CLYBL: variants seen among roughly 807,000 people sequenced by gnomAD.
CLYBL encodes citramalyl-CoA lyase, mitochondrial.
CLYBL carries 31 observed loss-of-function variants against 38.9 expected under a neutral mutation model. The ratio of observed to expected loss-of-function variants is 0.80; its 90% CI spans 0.60 to 1.08. The LOEUF is 1.08. Among genes scored for constraint, CLYBL ranks in the 50% least tolerant of loss-of-function variants. The pLI is 0.00. For missense variants in CLYBL, 434 were observed against 411.6 expected (o/e 1.05, Z -0.47); for synonymous variants, 171 against 158.6 (o/e 1.08, Z -0.59).
At chr13:99,671,205 C>T (rs867239245) in intron 1 of CLYBL, among the ~76,000 whole-genome samples, 31 of 152,202 alleles carry the variant, frequency 2.0e-4, no homozygotes, top group African/African-American at 7.2e-4. Flanking sequence ...GACTCTTATC[C>T]TCAACCCCCT....
intron 1 of CLYBL, among the ~76,000 whole-genome samples, chr13:99,768,864 T>C (rs1189642325): frequency 3.9e-5 from 6 of 152,124 alleles, no homozygotes; most frequent in Admixed American, 3.9e-4. Flanking sequence ...ATTTCTATTT[T>C]CCCCTATATA....
At chr13:99,643,681 G>C (rs1180884585) in intron 1 of CLYBL, among the ~76,000 whole-genome samples, 1 of 152,152 alleles carries the variant, frequency 6.6e-6, no homozygotes, top group Non-Finnish European at 1.5e-5. Flanking sequence ...CATCTGGGAA[G>C]TTAATTTATT....
At chr13:99,612,549 G>A (rs1054601128) in intron 1 of CLYBL, among the ~76,000 whole-genome samples, 1 of 151,762 alleles carries the variant, frequency 6.6e-6, no homozygotes, top group African/African-American at 2.4e-5. Flanking sequence ...CACCATGTCT[G>A]GCTAATTTTT....
intron 1 of CLYBL, among the ~76,000 whole-genome samples, chr13:99,744,389 C>T (rs1253081717): frequency 6.6e-6 from 1 of 152,194 alleles, no homozygotes; most frequent in Non-Finnish European, 1.5e-5. Flanking sequence ...GGGAAAAGTT[C>T]TGAGATATCC....
chr13:99,866,291 T>C lies in CLYBL; in HGVS notation c.686T>C (p.Ile229Thr). Reference protein sequence around the residue: ...TLDILYARQKIVVIAKAFGLQ... With the variant: ...TLDILYARQKTVVIAKAFGLQ... ...GATATTCTCTACGCCCGGCAAAAGA[T>C]TGTTGTCATAGCGAAAGCCTTTGGT... The change falls in exon 6 of 9, where the codon ATT becomes ACT. Residue 229 changes from isoleucine (I) to threonine (T), a missense_variant. Ile to Thr is a moderately conservative substitution (Grantham distance 89, BLOSUM62 -1). Transcript: ENST00000339105. 1.2e-6 allele frequency: 2 copies of C among 1,614,068 alleles called. No individual in the cohort carries two copies. The highest frequency in any genetic ancestry group is 1.7e-6 in the Non-Finnish European group (2 of 1,180,014).
intron 1 of CLYBL, among the ~76,000 whole-genome samples, chr13:99,694,327 AC>A (rs1360077952): frequency 1.3e-5 from 2 of 152,240 alleles, no homozygotes; most frequent in Non-Finnish European, 2.9e-5. Context: ...GAGTGCACAC[AC>A]ATTTGCTGTG....
chr13:99,683,623 C>G (rs539532166), intron 1 of CLYBL, among the ~76,000 whole-genome samples: 2 of 152,016 alleles, frequency 1.3e-5, no homozygotes, highest in South Asian at 4.2e-4. Context: ...ACAGCTTGTC[C>G]CAGTGGAAGG....
chr13:99,847,764 G>A (rs1056970594), intron 2 of CLYBL, among the ~76,000 whole-genome samples: 8 of 152,162 alleles, frequency 5.3e-5, no homozygotes, highest in Non-Finnish European at 1.2e-4. Context: ...GAGTGAGCAG[G>A]GACCCCCAAC....
At chr13:99,693,144 A>G (rs1164640542) in intron 1 of CLYBL, among the ~76,000 whole-genome samples, 1 of 152,196 alleles carries the variant, frequency 6.6e-6, no homozygotes, top group African/African-American at 2.4e-5. Flanking sequence ...ACTGGGATGT[A>G]TAGCGTTTTG....
At chr13:99,688,095 G>T (rs779465008) in intron 1 of CLYBL, among the ~76,000 whole-genome samples, 9 of 152,288 alleles carry the variant, frequency 5.9e-5, no homozygotes, top group Admixed American at 3.3e-4. Context: ...TTAATTATAT[G>T]CATTTTCATT....
intron 2 of CLYBL, among the ~76,000 whole-genome samples, chr13:99,836,798 C>CCAAA (rs1404359598): frequency 2.0e-5 from 3 of 152,012 alleles, no homozygotes; most frequent in Non-Finnish European, 2.9e-5. Flanking sequence ...AGAGTTGGAA[C>CCAAA]CAAACACCGC....
At chr13:99,832,363 C>T (rs1350127483) in intron 2 of CLYBL, among the ~76,000 whole-genome samples, 2 of 152,222 alleles carry the variant, frequency 1.3e-5, no homozygotes, top group Non-Finnish European at 2.9e-5. Flanking sequence ...CCACTTTAGA[C>T]CTCATTGTTA....
In CLYBL at chr13:99,891,385, C is replaced by G. The variant is rs148921379; in HGVS notation, c.995C>G (p.Thr332Arg). The G allele has an allele frequency of 1.4e-5, 22 of 1,613,480 alleles. No individual in the cohort carries two copies. The African/African-American group carries it at 1.6e-4, about 12-fold the overall frequency. Residue 332 changes from threonine to arginine, a missense_variant, in exon 8 of 9, where the codon ACG (threonine) becomes AGG (arginine). Thr to Arg is a moderately conservative substitution (Grantham distance 71). Transcript: ENST00000339105. ...CTGAAGCAGGCCCAGAACACTGTTA[C>G]GCTTGCCACCTCCATCAAGGAAAAA... ...PLLKQAQNTV[T>R]LATSIKEK
At chr13:99,738,769 G>GGTGGTCGCCGT in intron 1 of CLYBL, among the ~76,000 whole-genome samples, 1 of 151,612 alleles carries the variant, frequency 6.6e-6, no homozygotes, top group East Asian at 1.9e-4. Flanking sequence ...TGTGGAGCTC[G>GGTGGTCGCCGT]ATAAATTCTT....
chr13:99,757,693 A>G (rs903105031), intron 1 of CLYBL, among the ~76,000 whole-genome samples: 2 of 152,304 alleles, frequency 1.3e-5, no homozygotes, highest in East Asian at 1.9e-4. Flanking sequence ...TCCTGACCTC[A>G]GGTGATCCAC....
intron 1 of CLYBL, among the ~76,000 whole-genome samples, chr13:99,638,579 A>G (rs1411591475): frequency 7.2e-5 from 11 of 152,370 alleles, no homozygotes; most frequent in Non-Finnish European, 1.6e-4. Flanking sequence ...ATTAAGCAAG[A>G]ATAAAATCTG....
chr13:99,882,976 G>GCCAGCCCAGC, intron 7 of CLYBL, among the ~76,000 whole-genome samples: 1 of 151,936 alleles, frequency 6.6e-6, no homozygotes, highest in East Asian at 2.0e-4. Context: ...GCCAGGCCAG[G>GCCAGCCCAGC]CCAGCCCAGC....
At chr13:99,628,810 A>G (rs2046904151) in intron 1 of CLYBL, among the ~76,000 whole-genome samples, 1 of 152,152 alleles carries the variant, frequency 6.6e-6, no homozygotes, top group East Asian at 1.9e-4. Context: ...GGCAGGTACA[A>G]TGGCCAGTTA....
At chr13:99,664,492 T>C (rs1370587457) in intron 1 of CLYBL, among the ~76,000 whole-genome samples, 1 of 152,224 alleles carries the variant, frequency 6.6e-6, no homozygotes, top group Non-Finnish European at 1.5e-5. Context: ...ATAAAAATAT[T>C]AAATTGCTAT....
Sources: allele counts gnomAD v4.1 joint callset (sites outside exome capture counted in the v4.1 genomes callset), GRCh38; gene constraint gnomAD v4.1.1; transcripts MANE v1.5; gene names NCBI Gene and HGNC (gene_info 2026-07-23, HGNC 2026-07-21).